Variants in ATP7A observed in about 807,000 individuals in gnomAD.
The protein encoded by ATP7A is ATPase copper transporting alpha.
A neutral mutation model predicts 83.5 loss-of-function variants in ATP7A; 7 were observed. That is an observed-to-expected ratio of 0.08 (90% confidence interval 0.05 to 0.16). The LOEUF (loss-of-function observed/expected upper bound fraction) is 0.16, where lower values mean the gene tolerates loss of function less well. Ranked by LOEUF, ATP7A falls within the 10% of genes least tolerant of loss-of-function variation. The probability of loss-of-function intolerance (pLI) is 1.00; values close to 1 mark genes in which losing one functional copy is unlikely to be tolerated. For missense variants in ATP7A, 940 were observed against 1,120.8 expected (o/e 0.84, Z 2.30); for synonymous variants, 354 against 395.2 (o/e 0.90, Z 1.24).
At chrX:77,936,757 G>A (rs1166421669) in intron 1 of ATP7A, among the ~76,000 whole-genome samples, 2 of 112,515 alleles carry the variant, frequency 1.8e-5, no homozygotes, top group Non-Finnish European at 3.8e-5. Flanking sequence ...CTTTTGCTCT[G>A]TGAAAGAAAG....
In ATP7A at chrX:78,040,702, A is replaced by C; in HGVS notation, c.3770A>C (p.Asn1257Thr). 8.3e-7 allele frequency: 1 copy of C among 1,211,176 alleles called. No homozygotes were observed. The highest frequency in any genetic ancestry group is 3.0e-5 in the East Asian group (1 of 33,854). Residue 1257 changes from asparagine to threonine, a missense_variant, in exon 19 of 23, where the codon AAC becomes ACC. This residue lies in a region of ATP7A where 386 missense variants were observed against 502.2 expected (regional missense o/e 0.77). Coordinates refer to ENST00000341514, the MANE Select transcript of ATP7A (RefSeq NM_000052.7). ...GLEVVLMTGDNSKTARSIASQ... is the reference protein window; with the variant it reads ...GLEVVLMTGDTSKTARSIASQ... ...GAAGTAGTTCTGATGACTGGAGACA[A>C]CAGTAAAACAGCTAGATCTATTGCT...
Position 78,046,648 on chromosome X carries a change from A to ATCCT in ATP7A, c.*79_*80insCCTT. 1.8e-6 allele frequency: 2 copies of ATCCT among 1,138,822 alleles called. No individual in the cohort carries two copies. The highest frequency in any genetic ancestry group is 3.0e-4 in the Middle Eastern group (1 of 3,325). The allele number at this position is 1,138,822 out of a possible 1,213,427, so 93.9% of individuals were successfully genotyped here. A position where few individuals can be genotyped will look rare whatever the true frequency, so the allele number is the denominator to read the frequency against. On this transcript the variant is annotated 3_prime_UTR_variant, in exon 23 of 23. Transcript: ENST00000341514. ...CATGATGTTACCTTCACTTTTCAAA[A>ATCCT]TATTGTAGAAGGATTTTTCTCATGC...
intron 6 of ATP7A, among the ~76,000 whole-genome samples, chrX:78,008,608 A>G (rs781966087): frequency 3.2e-4 from 36 of 111,455 alleles, no homozygotes; most frequent in African/African-American, 1.1e-3. Flanking sequence ...TAGTAGTGAC[A>G]GGAATTTGGA....
At chrX:78,014,614 GA>G (rs782166503) in intron 10 of ATP7A, 47 bp from the exon 11 acceptor site, 10 of 1,013,105 alleles carry the variant, frequency 9.9e-6, no homozygotes, top group Non-Finnish European at 1.4e-5. Context: ...GTTAAGACCT[GA>G]ACTTTTTCTT....
At chrX:77,991,353 CATA>C (rs1557232055) in intron 4 of ATP7A, among the ~76,000 whole-genome samples, 1 of 112,126 alleles carries the variant, frequency 8.9e-6, no homozygotes, top group East Asian at 2.8e-4. Context: ...TTTTATTTAG[CATA>C]ATGTTTTCAA....
intron 5 of ATP7A, among the ~76,000 whole-genome samples, chrX:78,001,863 G>A (rs781919153): frequency 3.6e-5 from 4 of 110,996 alleles, no homozygotes; most frequent in Non-Finnish European, 5.7e-5. Context: ...CAGCATGACT[G>A]CCATAAAATG....
intron 1 of ATP7A, chrX:77,923,894 A>G (rs1411129785): frequency 8.9e-6 from 1 of 111,819 alleles, no homozygotes; most frequent in African/African-American, 3.2e-5. Flanking sequence ...TATCACAGCT[A>G]CAACAGAATA....
chrX:77,959,105 A>G (rs1389177400), intron 1 of ATP7A, among the ~76,000 whole-genome samples: 1 of 110,883 alleles, frequency 9.0e-6, no homozygotes, highest in African/African-American at 3.3e-5. Context: ...TATAGCTTTT[A>G]GTGTAGAGAT....
chrX:77,923,310 C>T (rs2077225081), intron 1 of ATP7A: 1 of 111,428 alleles, frequency 9.0e-6, no homozygotes, highest in Admixed American at 9.6e-5. Flanking sequence ...ACAATTTTTT[C>T]CCTCTGTTAG....
chrX:78,007,031 GT>G (rs199819906), intron 6 of ATP7A, among the ~76,000 whole-genome samples: 5,607 of 111,597 alleles, frequency 0.05, 372 homozygotes, highest in African/African-American at 0.17. Flanking sequence ...ATACCTAGAA[GT>G]GGAATTACTA....
In ATP7A at chrX:78,011,455, A is replaced by G. The variant is rs782517784; in HGVS notation, c.1953A>G (p.Arg651=). 1 of 1,206,299 alleles carries G rather than the reference A, an allele frequency of 8.3e-7. No homozygotes were observed. The highest frequency in any genetic ancestry group is 3.0e-5 in the East Asian group (1 of 33,727). The change falls in exon 9 of 23, where the codon AGA becomes AGG. Residue 651 remains arginine (R), a synonymous_variant. Transcript: ENST00000341514. ...LDHKREIRQW[R]RSFLVSLFFC... ...TTTATTTTTTCCATATAAGATGGAG[A>G]CGGTCTTTTCTTGTGAGTCTGTTTT... is the stretch of plus-strand genomic sequence containing the variant.
chrX:77,920,508 C>T (rs908271096), intron 1 of ATP7A, among the ~76,000 whole-genome samples: 4 of 111,177 alleles, frequency 3.6e-5, no homozygotes, highest in Non-Finnish European at 3.8e-5. Context: ...TGAGCCACCG[C>T]GCCCGGCTGA....
At position 78,042,753 on chromosome X, in the gene ATP7A, G is replaced by A. The variant is rs782692001; in HGVS notation, c.3970G>A (p.Val1324Ile). The A allele has an allele frequency of 3.3e-6, 4 of 1,211,759 alleles. No homozygotes were observed. The highest frequency in any genetic ancestry group is 4.5e-6 in the Non-Finnish European group (4 of 895,612). ...VGIAIGTGTD[V>I]AIEAADVVLI... ...AATTGCTATTGGCACAGGCACAGAT[G>A]TAGCCATTGAAGCAGCTGATGTGGT... The change falls in exon 20 of 23, where the codon GTA becomes ATA. Residue 1324 changes from valine (V) to isoleucine (I), a missense_variant. Val to Ile is a conservative substitution (Grantham distance 29). Around this residue, in one of 3 missense-constraint regions of ATP7A, gnomAD observed 386 missense variants for 502.2 expected, o/e 0.77. Coordinates refer to ENST00000341514, the MANE Select transcript of ATP7A (RefSeq NM_000052.7).
intron 4 of ATP7A, among the ~76,000 whole-genome samples, chrX:77,997,665 G>A (rs1271169412): frequency 9.2e-6 from 1 of 108,240 alleles, no homozygotes; most frequent in African/African-American, 3.4e-5. Flanking sequence ...TTTCTTGGGA[G>A]GTAACTAATA....
intron 14 of ATP7A, among the ~76,000 whole-genome samples, chrX:78,025,577 C>A (rs782779108): frequency 1.3e-4 from 14 of 111,478 alleles, no homozygotes; most frequent in Non-Finnish European, 2.3e-4. Context: ...AATTTCAAAT[C>A]CAGAGAACTC....
At chrX:77,929,903 T>A (rs1208500508) in intron 1 of ATP7A, among the ~76,000 whole-genome samples, 1 of 112,275 alleles carries the variant, frequency 8.9e-6, no homozygotes, top group East Asian at 2.8e-4. Context: ...CGTGGCCACC[T>A]GGCCATATGT....
intron 2 of ATP7A, among the ~76,000 whole-genome samples, chrX:77,973,181 A>G (rs904248311): frequency 8.9e-6 from 1 of 111,974 alleles, no homozygotes; most frequent in African/African-American, 3.2e-5. Context: ...TATGAAAAGC[A>G]CATGAAATTC....
At chrX:78,017,765 C>CTTTTT (rs1176316040) in intron 12 of ATP7A, among the ~76,000 whole-genome samples, 54 of 45,846 alleles carry the variant, frequency 1.2e-3, no homozygotes, top group Admixed American at 1.8e-3. Flanking sequence ...TTTCTTGTTT[C>CTTTTT]TTTTTTTTTT....
chrX:77,950,761 C>T (rs181249943), intron 1 of ATP7A, among the ~76,000 whole-genome samples: 63 of 111,254 alleles, frequency 5.7e-4, no homozygotes, highest in African/African-American at 1.1e-3. Flanking sequence ...CAGTGGCTCA[C>T]GCCTGTAATC....
Sources: allele counts gnomAD v4.1 joint callset (sites outside exome capture counted in the v4.1 genomes callset), GRCh38; gene constraint gnomAD v4.1.1; regional missense constraint gnomAD v4.1.1; transcripts MANE v1.5; gene names NCBI Gene and HGNC (gene_info 2026-07-23, HGNC 2026-07-21).